The following CDYL variants were observed in gnomAD, a reference collection of about 807,000 sequenced individuals.
CDYL encodes the protein chromodomain Y like, also known as chromodomain Y-like protein.
Under a neutral mutation model 47.3 loss-of-function variants are expected in CDYL, and 8 were observed. The ratio of observed to expected loss-of-function variants is 0.17; its 90% confidence interval spans 0.10 to 0.31. CDYL has a LOEUF of 0.31. Ranked by LOEUF, CDYL falls within the 10% of genes least tolerant of loss-of-function variation. The pLI, the probability that CDYL is intolerant of heterozygous loss-of-function variation, is 1.00. For synonymous variants in CDYL, 266 were observed against 265.0 expected (o/e 1.00, Z -0.04); for missense variants, 471 against 701.4 (o/e 0.67, Z 3.71).
At chr6:4,918,983 T>G (rs3930304) in intron 2 of CDYL, among the ~76,000 whole-genome samples, 129,772 of 152,190 alleles carry the variant, frequency 0.85, 55,449 homozygotes, top group Admixed American at 0.9. Flanking sequence ...TGGGCCTTTA[T>G]ACTACAGAAC....
In CDYL at chr6:4,765,903, T is replaced by C. The variant is rs1360430200; in HGVS notation, c.186+31059T>C. Among the ~76,000 whole-genome samples, 4 of 151,688 alleles carry C rather than the reference T, an allele frequency of 2.6e-5. No homozygotes were observed. In the East Asian group the frequency reaches 5.8e-4, roughly 22 times the overall value. On this transcript the variant is annotated intron_variant, in intron 3 of 8. Transcript: ENST00000328908. ...AAGAAATTAGAAAATGAATAACAAATAAAACAAAGGAAATAATAATGATAG... is the reference window on the plus strand; with the variant it reads ...AAGAAATTAGAAAATGAATAACAAACAAAACAAAGGAAATAATAATGATAG...
intron 2 of CDYL, among the ~76,000 whole-genome samples, chr6:4,925,450 C>T (rs1451935336): frequency 3.1e-4 from 37 of 119,166 alleles, no homozygotes; most frequent in African/African-American, 9.1e-4. Context: ...CTCACTCTGT[C>T]GCCCAGGCTG....
At chr6:4,879,151 A>G (rs906079414) in intron 1 of CDYL, among the ~76,000 whole-genome samples, 4 of 152,220 alleles carry the variant, frequency 2.6e-5, no homozygotes, top group Non-Finnish European at 5.9e-5. Flanking sequence ...AAGTGATTTA[A>G]AGATACATTC....
intron 1 of CDYL, among the ~76,000 whole-genome samples, chr6:4,819,162 C>CTCTCTCTCTCTCTCTGTGTGTGTGTG (rs1016051589): frequency 6.3e-5 from 7 of 111,996 alleles, no homozygotes; most frequent in African/African-American, 3.4e-4. Flanking sequence ...CTCTCTCTCT[C>CTCTCTCTCTCTCTCTGTGTGTGTGTG]TGTGTGTGTG....
chr6:4,789,071 G>A (rs977522129), intron 1 of CDYL, among the ~76,000 whole-genome samples: 1 of 151,688 alleles, frequency 6.6e-6, no homozygotes, highest in Non-Finnish European at 1.5e-5. Context: ...CCTGGTTTTC[G>A]TGTTTTTTGT....
chr6:4,900,779 G>GTGTGTGTGTATATA, intron 2 of CDYL, among the ~76,000 whole-genome samples: 22 of 51,680 alleles, frequency 4.3e-4, no homozygotes, highest in Admixed American at 5.9e-4. Context: ...GTATACGTGT[G>GTGTGTGTGTATATA]TATATATATA....
Position 4,954,815 on chromosome 6 carries a change from A to G in CDYL, c.*759A>G, listed in dbSNP as rs1758819310. 6.6e-6 allele frequency: 1 copy of G among 152,240 alleles called. No individual in the cohort carries two copies. Among genetic ancestry groups the G allele is most frequent in the Non-Finnish European group, 1.5e-5 (1 of 68,050 alleles). 9.4% of individuals were successfully genotyped at this position (152,240 alleles called of 1,614,324 possible). On this transcript the variant is annotated 3_prime_UTR_variant, in exon 7 of 7. Coordinates refer to ENST00000397588, the MANE Select transcript of CDYL (RefSeq NM_004824.4). Reference sequence around the variant, plus strand: ...TAGCTTAAGTATGACTATCTAAGTTATAAGTTAGTCTTTAGTGGGTTTTAA... The same window carrying G: ...TAGCTTAAGTATGACTATCTAAGTTGTAAGTTAGTCTTTAGTGGGTTTTAA...
chr6:4,898,007 G>A (rs1469754740), intron 2 of CDYL, among the ~76,000 whole-genome samples: 2 of 151,706 alleles, frequency 1.3e-5, no homozygotes, highest in South Asian at 2.1e-4. Context: ...GCTGTGAGCC[G>A]AGATCACGCC....
At chr6:4,840,941 G>A (rs1760471423) in intron 1 of CDYL, among the ~76,000 whole-genome samples, 1 of 152,032 alleles carries the variant, frequency 6.6e-6, no homozygotes, top group South Asian at 2.1e-4. Flanking sequence ...GAATGATTTA[G>A]GAAGGATTCC....
At chr6:4,891,644 T>C in intron 1 of CDYL, 69 bp from the exon 2 acceptor site, 2 of 1,272,150 alleles carry the variant, frequency 1.6e-6, no homozygotes, top group South Asian at 3.0e-5. Flanking sequence ...TGATGTTTCC[T>C]AATGAAACTT....
intron 2 of CDYL, among the ~76,000 whole-genome samples, chr6:4,907,300 A>G (rs13199417): frequency 0.036 from 5,513 of 152,288 alleles, 154 homozygotes; most frequent in East Asian, 0.088. Flanking sequence ...GAAGGATTGG[A>G]AGAAAAGCTG....
intron 1 of CDYL, chr6:4,714,922 G>A (rs1561819296): frequency 6.6e-6 from 1 of 152,150 alleles, no homozygotes; most frequent in Non-Finnish European, 1.5e-5. Context: ...TAAATGACAT[G>A]TTATAATAGT....
chr6:4,814,626 A>G (rs972954334), intron 1 of CDYL, among the ~76,000 whole-genome samples: 5 of 152,112 alleles, frequency 3.3e-5, no homozygotes, highest in African/African-American at 1.2e-4. Flanking sequence ...CCAAGGTTCA[A>G]GCAATTCTCG....
chr6:4,927,339 T>A (rs1757904177), intron 2 of CDYL, among the ~76,000 whole-genome samples: 1 of 143,618 alleles, frequency 7.0e-6, no homozygotes, highest in Non-Finnish European at 1.5e-5. Flanking sequence ...AGTTTTCTAA[T>A]CTGAAGGTAG....
At chr6:4,921,426 A>C (rs1263379995) in intron 2 of CDYL, among the ~76,000 whole-genome samples, 1 of 152,208 alleles carries the variant, frequency 6.6e-6, no homozygotes, top group Non-Finnish European at 1.5e-5. Context: ...AACATTTAAT[A>C]AACAAGAAGA....
At chr6:4,875,715 T>C (rs898706973) in intron 1 of CDYL, among the ~76,000 whole-genome samples, 19 of 152,172 alleles carry the variant, frequency 1.2e-4, no homozygotes, top group Non-Finnish European at 2.5e-4. Flanking sequence ...TGAACACTGA[T>C]TTTTTTCCTT....
intron 2 of CDYL, among the ~76,000 whole-genome samples, chr6:4,914,176 T>C (rs142653142): frequency 1.3e-5 from 2 of 152,010 alleles, no homozygotes; most frequent in East Asian, 3.9e-4. Flanking sequence ...TTCATGATTT[T>C]TTTCTTCTGC....
At chr6:4,708,986 G>A (rs1757097121) in intron 1 of CDYL, among the ~76,000 whole-genome samples, 1 of 152,010 alleles carries the variant, frequency 6.6e-6, no homozygotes, top group Non-Finnish European at 1.5e-5. Context: ...CAGCCTGGGT[G>A]ACAGAGTGGG....
At chr6:4,870,934 T>C (rs1210207066) in intron 1 of CDYL, among the ~76,000 whole-genome samples, 1 of 152,218 alleles carries the variant, frequency 6.6e-6, no homozygotes, top group Non-Finnish European at 1.5e-5. Context: ...TCAAGCACAA[T>C]TAAAATAGTT....
Sources: gnomAD v4.1 joint callset for allele counts (sites outside exome capture counted in the v4.1 genomes callset) on GRCh38, gnomAD v4.1.1 for gene constraint, MANE v1.5 for transcripts, NCBI Gene and HGNC (gene_info 2026-07-23, HGNC 2026-07-21) for gene names.